The following RERE variants were observed in gnomAD, a reference collection of about 807,000 sequenced individuals.
RERE encodes arginine-glutamic acid dipeptide repeats protein.
RERE carries 40 observed loss-of-function variants against 146.1 expected under a neutral mutation model. The observed-to-expected ratio is 0.27, with a 90% CI of 0.21 to 0.36. RERE has a LOEUF of 0.36. Among genes scored for constraint, RERE ranks in the 10% least tolerant of loss-of-function variants. The pLI is 1.00. For missense variants in RERE, 1,933 were observed against 2,138.7 expected (o/e 0.90, Z 1.90); for synonymous variants, 1,003 against 866.0 (o/e 1.16, Z -2.78).
chr1:8,628,369 T>A (rs1646998724), intron 2 of RERE, among the ~76,000 whole-genome samples: 1 of 152,194 alleles, frequency 6.6e-6, no homozygotes, highest in African/African-American at 2.4e-5. Context: ...TAAAAATGTT[T>A]CACACTATGT....
At chr1:8,566,214 G>C (rs1646150835) in intron 4 of RERE, among the ~76,000 whole-genome samples, 1 of 152,164 alleles carries the variant, frequency 6.6e-6, no homozygotes, top group Non-Finnish European at 1.5e-5. Flanking sequence ...AGTGGGGCCT[G>C]AATCCACCTA....
intron 11 of RERE, among the ~76,000 whole-genome samples, chr1:8,464,208 T>G (rs1448007113): frequency 6.6e-6 from 1 of 152,196 alleles, no homozygotes; most frequent in Non-Finnish European, 1.5e-5. Flanking sequence ...AGTTAAAGTC[T>G]TAAGGAACTA....
At position 8,696,349 on chromosome 1, in the gene RERE, G is replaced by A. The variant is rs138206159; in HGVS notation, c.-144-39908C>T. 9.8e-5 allele frequency among the ~76,000 whole-genome samples: 15 copies of A among 152,288 alleles called. 2 individuals carry two copies. The highest frequency in any genetic ancestry group is 8.3e-4 in the South Asian group (4 of 4,828). On this transcript the variant is annotated intron_variant, in intron 1 of 22. Transcript: ENST00000400908. ...TGGTACAGGCTGGGTACGGTAGCTC[G>A]CGTCTGTAATCCCAGCACTATGGGA...
At chr1:8,378,916 TG>T (rs1202447212) in intron 12 of RERE, among the ~76,000 whole-genome samples, 1 of 152,152 alleles carries the variant, frequency 6.6e-6, no homozygotes, top group African/African-American at 2.4e-5. Flanking sequence ...TGCAGTCTGC[TG>T]GGGGAGAAGA....
In RERE at chr1:8,656,155, T is replaced by C. The variant is rs758950586; in HGVS notation, c.143A>G (p.Lys48Arg). ...ACTGTGATCACTCTCAGCATAATTTTTGGCTCCTCCTTCCAAGGTACAGCT... is the reference window on the plus strand; with the variant it reads ...ACTGTGATCACTCTCAGCATAATTTCTGGCTCCTCCTTCCAAGGTACAGCT... ...RRSCTLEGGA[K>R]NYAESDHSED... Residue 48 changes from lysine (K) to arginine (R), a missense_variant, in exon 2 of 23, where the codon AAA becomes AGA. This residue lies in a region of RERE where 107 missense variants were observed against 119.7 expected (regional missense o/e 0.89). Transcript: ENST00000400908. 30 of 1,614,022 alleles carry C rather than the reference T, an allele frequency of 1.9e-5. No homozygotes were observed. The highest frequency in any genetic ancestry group is 2.4e-5 in the Non-Finnish European group (28 of 1,179,980).
At chr1:8,677,347 A>T (rs1213770893) in intron 1 of RERE, among the ~76,000 whole-genome samples, 1 of 149,780 alleles carries the variant, frequency 6.7e-6, no homozygotes, top group Non-Finnish European at 1.5e-5. Flanking sequence ...AACTGCTTAA[A>T]CCCGGGAGGC....
Position 8,355,559 on chromosome 1 carries a change from G to C in RERE, c.4527C>G (p.Pro1509=). 1 of 1,604,576 alleles carries C rather than the reference G, an allele frequency of 6.2e-7. No individual in the cohort carries two copies. Among genetic ancestry groups the C allele is most frequent in the Non-Finnish European group, 8.5e-7 (1 of 1,174,760 alleles). The change falls in exon 22 of 23, where the codon CCC becomes CCG. Residue 1509 remains proline (P), a synonymous_variant. Coordinates refer to ENST00000400908, the MANE Select transcript of RERE (RefSeq NM_001042681.2). ...YPRDLPGAIP[P]PMSAAHQLQA... Reference sequence around the variant, plus strand: ...GCAGCTGGTGGGCTGCTGACATGGGGGGTGGGATGGCCCCAGGCAGGTCAC... The same window carrying C: ...GCAGCTGGTGGGCTGCTGACATGGGCGGTGGGATGGCCCCAGGCAGGTCAC...
intron 7 of RERE, among the ~76,000 whole-genome samples, chr1:8,524,476 C>T (rs1645546524): frequency 6.6e-6 from 1 of 152,156 alleles, no homozygotes; most frequent in Non-Finnish European, 1.5e-5. Flanking sequence ...CCACTAAGAG[C>T]TTACACAAGG....
At chr1:8,673,463 T>C (rs1638767038) in intron 1 of RERE, among the ~76,000 whole-genome samples, 1 of 152,022 alleles carries the variant, frequency 6.6e-6, no homozygotes, top group Non-Finnish European at 1.5e-5. Flanking sequence ...GACAATACAC[T>C]CCAGTCCTGT....
intron 1 of RERE, chr1:8,806,888 A>G (rs1641703026): frequency 6.6e-6 from 1 of 152,198 alleles, no homozygotes; most frequent in Non-Finnish European, 1.5e-5. Context: ...ATCACACATA[A>G]TCATATTCCT....
At chr1:8,413,575 C>T (rs772518016) in intron 12 of RERE, among the ~76,000 whole-genome samples, 11 of 151,988 alleles carry the variant, frequency 7.2e-5, no homozygotes, top group Non-Finnish European at 1.2e-4. Flanking sequence ...AACTCCTGGG[C>T]TCAAGTGATC....
intron 1 of RERE, among the ~76,000 whole-genome samples, chr1:8,802,461 C>G (rs1345185711): frequency 6.6e-6 from 1 of 152,220 alleles, no homozygotes; most frequent in Non-Finnish European, 1.5e-5. Context: ...CCAAGTTTTC[C>G]AGGCTCTGTG....
chr1:8,743,157 A>C (rs79644886), intron 1 of RERE, among the ~76,000 whole-genome samples: 32,298 of 152,002 alleles, frequency 0.21, 3,730 homozygotes, highest in Middle Eastern at 0.28. Flanking sequence ...GCACTTTGGG[A>C]GGCTAACATG....
chr1:8,558,248 T>C (rs755271295), intron 4 of RERE, among the ~76,000 whole-genome samples: 5 of 152,258 alleles, frequency 3.3e-5, no homozygotes, highest in Non-Finnish European at 7.3e-5. Context: ...TGCACTATGT[T>C]ATCCCTAAAA....
intron 11 of RERE, chr1:8,465,252 T>C (rs1644580487): frequency 6.4e-6 from 1 of 156,328 alleles, no homozygotes; most frequent in Non-Finnish European, 1.4e-5. Flanking sequence ...GTGGGCACAT[T>C]TCTCTCCCCC....
intron 11 of RERE, among the ~76,000 whole-genome samples, chr1:8,443,957 T>A (rs1202865575): frequency 1.3e-5 from 2 of 152,168 alleles, no homozygotes; most frequent in Admixed American, 6.5e-5. Context: ...CTCACACAGA[T>A]ACTCTACTAG....
intron 4 of RERE, among the ~76,000 whole-genome samples, chr1:8,606,759 G>A (rs1646715703): frequency 6.6e-6 from 1 of 152,102 alleles, no homozygotes. Flanking sequence ...CTATTTACAG[G>A]CTGAAAATCT....
intron 10 of RERE, among the ~76,000 whole-genome samples, chr1:8,470,489 A>ACC (rs1490657918): frequency 6.6e-6 from 1 of 151,932 alleles, no homozygotes; most frequent in African/African-American, 2.4e-5. Context: ...TCTTGAACTG[A>ACC]CCTCAGGTGA....
At chr1:8,481,149 G>A (rs1371766573) in intron 10 of RERE, among the ~76,000 whole-genome samples, 5 of 152,124 alleles carry the variant, frequency 3.3e-5, no homozygotes, top group African/African-American at 7.2e-5. Context: ...ACGGGGTCTC[G>A]CTCTGTCACC....
Sources: allele counts gnomAD v4.1 joint callset (sites outside exome capture counted in the v4.1 genomes callset), GRCh38; gene constraint gnomAD v4.1.1; regional missense constraint gnomAD v4.1.1; transcripts MANE v1.5; gene names NCBI Gene and HGNC (gene_info 2026-07-23, HGNC 2026-07-21).